Variants in SIK3 observed in about 807,000 individuals in gnomAD.
SIK3 encodes SIK family kinase 3.
Under a neutral mutation model 144.2 loss-of-function variants are expected in SIK3, and 28 were observed. The observed-to-expected ratio is 0.19, with a 90% confidence interval of 0.14 to 0.27. The LOEUF is 0.27. Ranked by LOEUF, SIK3 falls within the 10% of genes least tolerant of loss-of-function variation. The pLI, the probability that SIK3 is intolerant of heterozygous loss-of-function variation, is 1.00. For missense variants in SIK3, 1,319 were observed against 1,776.0 expected (o/e 0.74, Z 4.62); for synonymous variants, 686 against 676.3 (o/e 1.01, Z -0.22).
At chr11:117,009,923 C>A (rs1347833900) in intron 1 of SIK3, among the ~76,000 whole-genome samples, 1 of 152,100 alleles carries the variant, frequency 6.6e-6, no homozygotes, top group Non-Finnish European at 1.5e-5. Context: ...TCCCACAAAA[C>A]CTTATCAACC....
intron 21 of SIK3, among the ~76,000 whole-genome samples, chr11:116,853,648 G>A (rs572660861): frequency 1.9e-4 from 29 of 152,296 alleles, no homozygotes; most frequent in African/African-American, 7.0e-4. Context: ...AAGGTTCTGG[G>A]GTAACCCCTC....
chr11:116,859,281 T>C lies in SIK3; in HGVS notation c.2749A>G (p.Ser917Gly). The change falls in exon 20 of 25, where the codon AGT becomes GGT. Residue 917 changes from serine (S) to glycine (G), a missense_variant. Ser to Gly is a moderately conservative substitution (Grantham distance 56, BLOSUM62 0). Coordinates refer to ENST00000445177, the MANE Select transcript of SIK3 (RefSeq NM_001366686.3). ...CGGTCTTACCTGTGAGCCTCTGCAC[T>C]GTCAGCACTCAGCTGCTTGGACAAG... ...RPLSKQLSAD[S>G]AEAHSLNVNR... 5.0e-6 allele frequency: 8 copies of C among 1,608,692 alleles called. No homozygotes were observed. Among genetic ancestry groups the C allele is most frequent in the Non-Finnish European group, 6.8e-6 (8 of 1,175,950 alleles).
At chr11:116,945,740 G>A (rs539839103) in intron 3 of SIK3, among the ~76,000 whole-genome samples, 118 of 152,224 alleles carry the variant, frequency 7.8e-4, no homozygotes, top group African/African-American at 2.8e-3. Flanking sequence ...ACAGGTAATT[G>A]AGCATTGGTG....
intron 1 of SIK3, among the ~76,000 whole-genome samples, chr11:117,043,979 C>G (rs1952851575): frequency 2.0e-5 from 3 of 152,174 alleles, no homozygotes; most frequent in Non-Finnish European, 4.4e-5. Flanking sequence ...GTCAAATGAC[C>G]ATAGCAAATA....
chr11:117,085,436 GGTTTT>G (rs959620330), intron 1 of SIK3, among the ~76,000 whole-genome samples: 2 of 151,508 alleles, frequency 1.3e-5, no homozygotes, highest in African/African-American at 4.8e-5. Context: ...CCTGGGGTTT[GGTTTT>G]GTTTGTTTGT....
At chr11:117,026,937 A>G (rs1432165896) in intron 1 of SIK3, among the ~76,000 whole-genome samples, 1 of 152,256 alleles carries the variant, frequency 6.6e-6, no homozygotes, top group Admixed American at 6.5e-5. Context: ...ATGTAATACA[A>G]GTAAGGGGGT....
At chr11:116,950,032 G>A in intron 3 of SIK3, 1 of 456,274 alleles carries the variant, frequency 2.2e-6, no homozygotes, top group Non-Finnish European at 4.5e-6. Context: ...ACAGCAGCCT[G>A]GGGTCCTCTC....
intron 4 of SIK3, among the ~76,000 whole-genome samples, chr11:116,913,023 A>G (rs970286318): frequency 6.6e-6 from 1 of 152,208 alleles, no homozygotes; most frequent in Admixed American, 6.5e-5. Context: ...TGGCCAAACC[A>G]TATGACCTAA....
At chr11:117,022,834 T>A (rs1310845212) in intron 1 of SIK3, among the ~76,000 whole-genome samples, 12 of 146,106 alleles carry the variant, frequency 8.2e-5, no homozygotes, top group Non-Finnish European at 1.5e-4. Context: ...GTGAAGAAGT[T>A]AAAAAAAAAA....
intron 8 of SIK3, 71 bp from the exon 9 acceptor site, chr11:116,876,080 G>GT: frequency 6.3e-7 from 1 of 1,582,492 alleles, no homozygotes; most frequent in Non-Finnish European, 8.6e-7. Flanking sequence ...AACCCTTTCA[G>GT]TAATAACATT....
In SIK3 at chr11:117,059,140, G is replaced by A. The variant is rs563773762; in HGVS notation, c.273+39003C>T. 2.0e-5 allele frequency among the ~76,000 whole-genome samples: 3 copies of A among 152,312 alleles called. No individual in the cohort carries two copies. The South Asian group carries it at 6.2e-4, about 32-fold the overall frequency. ...AAAAATTTACAGATTTGTAATTCCA[G>A]AAGTGGACGTTTGGCCACAGAAATA... On this transcript the variant is annotated intron_variant, in intron 1 of 24. Coordinates refer to ENST00000445177, the MANE Select transcript of SIK3 (RefSeq NM_001366686.3).
intron 1 of SIK3, among the ~76,000 whole-genome samples, chr11:117,016,414 A>AGGAAGGAAGGAG (rs1951541109): frequency 6.9e-6 from 1 of 145,388 alleles, no homozygotes; most frequent in African/African-American, 2.5e-5. Context: ...GAAGGAAGGA[A>AGGAAGGAAGGAG]GGAAGGAAGG....
At chr11:117,060,048 C>G (rs1953723060) in intron 1 of SIK3, among the ~76,000 whole-genome samples, 1 of 152,138 alleles carries the variant, frequency 6.6e-6, no homozygotes, top group Admixed American at 6.5e-5. Context: ...AACCTGCAGA[C>G]AGATGTTTAT....
At chr11:117,077,113 A>T (rs1260150131) in intron 1 of SIK3, among the ~76,000 whole-genome samples, 1 of 152,188 alleles carries the variant, frequency 6.6e-6, no homozygotes, top group Non-Finnish European at 1.5e-5. Flanking sequence ...CTACAATCAC[A>T]CCACACTGCA....
chr11:116,875,952 G>A lies in SIK3; in HGVS notation c.1153C>T (p.Arg385Ter), dbSNP rs1944230548. The A allele has an allele frequency of 6.2e-7, 1 of 1,613,542 alleles. No individual in the cohort carries two copies. The highest frequency in any genetic ancestry group is 8.5e-7 in the Non-Finnish European group (1 of 1,179,866). ...CGCAGGGTTTTATGTCTCTTATGTCGATCACACAGCAGGCTGTAGATTGCA... is the reference window on the plus strand; with the variant it reads ...CGCAGGGTTTTATGTCTCTTATGTCAATCACACAGCAGGCTGTAGATTGCA... ...YSAIYSLLCD[R>*]HKRHKTLRLG... The change falls in exon 9 of 25, where the codon CGA (arginine) becomes TGA (stop). Residue 385 changes from arginine (R) to a stop codon, truncating the protein, a stop_gained. Transcript: ENST00000445177. LOFTEE classifies it high-confidence loss of function.
intron 3 of SIK3, among the ~76,000 whole-genome samples, chr11:116,936,913 C>T (rs1335168514): frequency 1.3e-5 from 2 of 152,212 alleles, no homozygotes; most frequent in Non-Finnish European, 2.9e-5. Flanking sequence ...CTATTCTCAT[C>T]CCCATCCCCA....
intron 6 of SIK3, among the ~76,000 whole-genome samples, chr11:116,879,677 C>T (rs1395520153): frequency 1.3e-5 from 2 of 152,132 alleles, no homozygotes; most frequent in Non-Finnish European, 2.9e-5. Context: ...CAACAAAGTT[C>T]CTATATCAAA....
intron 1 of SIK3, among the ~76,000 whole-genome samples, chr11:117,006,113 A>G (rs765844332): frequency 2.0e-5 from 3 of 152,236 alleles, no homozygotes; most frequent in Non-Finnish European, 2.9e-5. Flanking sequence ...AGAAAAAAGC[A>G]GAGAACAAAT....
chr11:116,938,594 AGGGG>A (rs1948100464), intron 3 of SIK3, among the ~76,000 whole-genome samples: 6 of 45,570 alleles, frequency 1.3e-4, no homozygotes, highest in African/African-American at 5.5e-4. Flanking sequence ...AGGAGAGGAG[AGGGG>A]AGGAGAGGAG....
Sources: allele counts gnomAD v4.1 joint callset (sites outside exome capture counted in the v4.1 genomes callset), GRCh38; gene constraint gnomAD v4.1.1; transcripts MANE v1.5; gene names NCBI Gene and HGNC (gene_info 2026-07-23, HGNC 2026-07-21).